KIF13B: variants seen among roughly 807,000 people sequenced by gnomAD.
The protein encoded by KIF13B is kinesin family member 13B.
KIF13B carries 127 observed loss-of-function variants against 222.0 expected under a neutral mutation model. The observed-to-expected ratio is 0.57, with a 90% CI of 0.50 to 0.66. The LOEUF is 0.66. Among genes scored for constraint, KIF13B ranks in the 30% least tolerant of loss-of-function variants. The pLI, the probability that KIF13B is intolerant of heterozygous loss-of-function variation, is 0.00. For missense variants in KIF13B, 2,173 were observed against 2,379.0 expected, an observed-to-expected ratio of 0.91 and a Z score of 1.80; for synonymous variants, 976 against 919.0, an observed-to-expected ratio of 1.06 and a Z score of -1.12.
Position 29,092,883 on chromosome 8 carries a change from C to T in KIF13B, c.4325-5G>A. ...ATGCTGCAAGGTTACTGAGTCCTGC[C>T]CATATTACAGGGGAAAAAGATAAAA... On this transcript the variant is annotated splice_polypyrimidine_tract_variant and splice_region_variant and intron_variant, in intron 36 of 39. Transcript: ENST00000524189. 1.2e-6 allele frequency: 2 copies of T among 1,602,120 alleles called. No individual in the cohort carries two copies. The highest frequency in any genetic ancestry group is 1.7e-6 in the Non-Finnish European group (2 of 1,174,446).
chr8:29,150,390 G>C lies in KIF13B; in HGVS notation c.1536-7C>G. On this transcript the variant is annotated splice_region_variant and splice_polypyrimidine_tract_variant and intron_variant, in intron 14 of 39. Coordinates refer to ENST00000524189, the MANE Select transcript of KIF13B (RefSeq NM_015254.4). ...TGACCCATTTACAAATGTTCTGTAAGGAGAAGAGATCAAACGTGAATGATG... is the reference window on the plus strand; with the variant it reads ...TGACCCATTTACAAATGTTCTGTAACGAGAAGAGATCAAACGTGAATGATG... The C allele has an allele frequency of 6.8e-7, 1 of 1,471,850 alleles. No homozygotes were observed. The highest frequency in any genetic ancestry group is 9.5e-7 in the Non-Finnish European group (1 of 1,057,304). 91.2% of individuals were successfully genotyped at this position (1,471,850 alleles called of 1,614,324 possible). A position where few individuals can be genotyped will look rare whatever the true frequency, so the allele number is the denominator to read the frequency against.
intron 2 of KIF13B, among the ~76,000 whole-genome samples, chr8:29,229,753 A>C (rs1815201608): frequency 6.6e-6 from 1 of 152,202 alleles, no homozygotes; most frequent in Non-Finnish European, 1.5e-5. Flanking sequence ...CAATCCCTTA[A>C]ATAAACATCT....
At chr8:29,127,011 A>G (rs1810141639) in intron 25 of KIF13B, 111 bp downstream of exon 25, 1 of 956,624 alleles carries the variant, frequency 1.0e-6, no homozygotes, top group Non-Finnish European at 1.6e-6. Context: ...AAGGTAAACA[A>G]AGAGATTCAC....
At chr8:29,172,627 G>C (rs1030541784) in intron 10 of KIF13B, among the ~76,000 whole-genome samples, 1 of 152,186 alleles carries the variant, frequency 6.6e-6, no homozygotes, top group South Asian at 2.1e-4. Context: ...CCTTTGATAA[G>C]AAGAGCACAG....
At chr8:29,213,856 A>G (rs1814349333) in intron 2 of KIF13B, among the ~76,000 whole-genome samples, 1 of 152,028 alleles carries the variant, frequency 6.6e-6, no homozygotes. Flanking sequence ...CGGGAGACTG[A>G]GGCAGGAAAA....
At chr8:29,257,780 C>G (rs993729143) in intron 1 of KIF13B, among the ~76,000 whole-genome samples, 10 of 151,944 alleles carry the variant, frequency 6.6e-5, no homozygotes, top group African/African-American at 2.4e-4. Flanking sequence ...CCACTGCACT[C>G]CAGCCTGGGC....
intron 1 of KIF13B, 60 bp downstream of exon 1, chr8:29,262,920 A>G: frequency 1.5e-6 from 2 of 1,342,690 alleles, no homozygotes; most frequent in Non-Finnish European, 2.0e-6. Context: ...CGGCCGAGGG[A>G]AGGGCGCGCC....
At chr8:29,175,343 T>C (rs1466710201) in intron 10 of KIF13B, among the ~76,000 whole-genome samples, 2 of 152,208 alleles carry the variant, frequency 1.3e-5, no homozygotes, top group African/African-American at 2.4e-5. Flanking sequence ...ATCTCTGTCA[T>C]GGATCTATCA....
Position 29,072,170 on chromosome 8 carries a change from C to G in KIF13B, c.4668G>C (p.Gly1556=), listed in dbSNP as rs562450850. 7.7e-6 allele frequency: 11 copies of G among 1,428,250 alleles called. No homozygotes were observed. The Admixed American group carries it at 2.3e-4, about 30-fold the overall frequency. 88.5% of individuals were successfully genotyped at this position (1,428,250 alleles called of 1,614,324 possible). Residue 1556 remains glycine (G), a synonymous_variant, in exon 39 of 40, where the codon GGG becomes GGC. Transcript: ENST00000524189. ...AVTPAPEAQD[G]PPSPLSEASS... is the part of the protein sequence containing the mutation. ...AGGCTTCACTCAGGGGGCTGGGGGG[C>G]CCGTCCTGTGCCTCCGGAGCCGGGG...
intron 13 of KIF13B, among the ~76,000 whole-genome samples, chr8:29,159,675 C>T (rs1433350142): frequency 1.3e-5 from 2 of 152,180 alleles, no homozygotes; most frequent in Non-Finnish European, 2.9e-5. Context: ...TGGCCGTAGA[C>T]TAGAGAGACA....
At chr8:29,243,778 C>T (rs1159613509) in intron 2 of KIF13B, among the ~76,000 whole-genome samples, 1 of 152,190 alleles carries the variant, frequency 6.6e-6, no homozygotes, top group Non-Finnish European at 1.5e-5. Flanking sequence ...AATGTATTCA[C>T]TATGAAAATT....
At chr8:29,156,119 C>A (rs1811514341) in intron 13 of KIF13B, among the ~76,000 whole-genome samples, 1 of 152,122 alleles carries the variant, frequency 6.6e-6, no homozygotes, top group African/African-American at 2.4e-5. Context: ...CAGGCATGCA[C>A]CACCATGCCC....
intron 35 of KIF13B, among the ~76,000 whole-genome samples, chr8:29,102,148 G>C (rs925661509): frequency 2.0e-5 from 3 of 151,864 alleles, no homozygotes; most frequent in African/African-American, 7.3e-5. Context: ...TTCACAGGGA[G>C]ATGAACTCAG....
intron 10 of KIF13B, among the ~76,000 whole-genome samples, chr8:29,175,840 G>A (rs746020438): frequency 2.6e-5 from 4 of 152,302 alleles, no homozygotes; most frequent in East Asian, 1.9e-4. Flanking sequence ...TTCCGTGTGC[G>A]TCCAGCAACC....
At chr8:29,150,626 A>T (rs1401176603) in intron 14 of KIF13B, among the ~76,000 whole-genome samples, 1 of 152,198 alleles carries the variant, frequency 6.6e-6, no homozygotes, top group Non-Finnish European at 1.5e-5. Flanking sequence ...TGCAGATATC[A>T]CATTTTTTAC....
At chr8:29,111,335 C>A (rs1273314311) in intron 32 of KIF13B, among the ~76,000 whole-genome samples, 1 of 152,244 alleles carries the variant, frequency 6.6e-6, no homozygotes, top group East Asian at 1.9e-4. Flanking sequence ...TTGTCTCTGG[C>A]CTGGGCCACT....
At chr8:29,183,171 T>TG (rs1212107106) in intron 6 of KIF13B, among the ~76,000 whole-genome samples, 4 of 144,638 alleles carry the variant, frequency 2.8e-5, no homozygotes, top group African/African-American at 5.5e-5. Flanking sequence ...AAAGTTTGTT[T>TG]TTTTTTTTTT....
intron 2 of KIF13B, among the ~76,000 whole-genome samples, chr8:29,224,352 A>G (rs1366868509): frequency 6.6e-6 from 1 of 152,186 alleles, no homozygotes; most frequent in East Asian, 1.9e-4. Flanking sequence ...GTATTTAATA[A>G]AAGAAGAGAG....
chr8:29,107,916 A>G (rs1432321852), intron 35 of KIF13B, among the ~76,000 whole-genome samples: 1 of 152,230 alleles, frequency 6.6e-6, no homozygotes, highest in Non-Finnish European at 1.5e-5. Context: ...TACGAGCTTT[A>G]GCAGAAAAAT....
Sources: allele counts gnomAD v4.1 joint callset (sites outside exome capture counted in the v4.1 genomes callset), GRCh38; gene constraint gnomAD v4.1.1; transcripts MANE v1.5; gene names NCBI Gene and HGNC (gene_info 2026-07-23, HGNC 2026-07-21).